The following FHIP2A variants were observed in gnomAD, a reference collection of about 807,000 sequenced individuals.
FHIP2A encodes the protein family with sequence similarity 160 member B1.
FHIP2A carries 46 observed loss-of-function variants against 93.5 expected under a neutral mutation model. The ratio of observed to expected loss-of-function variants is 0.49; its 90% confidence interval spans 0.39 to 0.63. The LOEUF is 0.63. FHIP2A is among the 20% of genes least tolerant of loss of function. The pLI, the probability that FHIP2A is intolerant of heterozygous loss-of-function variation, is 0.00. For synonymous variants in FHIP2A, 332 were observed against 326.5 expected, an observed-to-expected ratio of 1.02 and a Z score of -0.18; for missense variants, 769 against 909.7, an observed-to-expected ratio of 0.85 and a Z score of 1.99.
chr10:114,831,338 C>T (rs1014988645), intron 2 of FHIP2A, among the ~76,000 whole-genome samples: 2 of 152,160 alleles, frequency 1.3e-5, no homozygotes, highest in African/African-American at 4.8e-5. Flanking sequence ...GAGAAAACCT[C>T]ATTGCCCAAT....
chr10:114,834,308 TCTC>T (rs1168515601), intron 3 of FHIP2A, among the ~76,000 whole-genome samples: 8 of 152,300 alleles, frequency 5.3e-5, no homozygotes, highest in East Asian at 1.9e-4. Flanking sequence ...TGCAACTCAT[TCTC>T]CTCCTCCTTT....
At chr10:114,888,784 G>T (rs1350594573) in intron 16 of FHIP2A, among the ~76,000 whole-genome samples, 1 of 152,014 alleles carries the variant, frequency 6.6e-6, no homozygotes, top group Non-Finnish European at 1.5e-5. Flanking sequence ...TGTATTTTTA[G>T]TAGAGATGGG....
At chr10:114,872,168 A>C (rs550272317) in intron 16 of FHIP2A, among the ~76,000 whole-genome samples, 11 of 152,292 alleles carry the variant, frequency 7.2e-5, no homozygotes, top group African/African-American at 2.6e-4. Context: ...TTCCCCCTGG[A>C]CCATGCTGAG....
chr10:114,830,116 A>G (rs1335689935), intron 1 of FHIP2A, among the ~76,000 whole-genome samples: 1 of 152,138 alleles, frequency 6.6e-6, no homozygotes, highest in East Asian at 1.9e-4. Context: ...ATGTTTTAGT[A>G]GTGATGATGT....
rs148056649 is a variant in FHIP2A at position 114,839,448 on chromosome 10, A to T, written c.522+3202A>T. 5.5e-3 allele frequency among the ~76,000 whole-genome samples: 838 copies of T among 152,278 alleles called. 30 individuals are homozygous for T. The highest frequency in any genetic ancestry group is 0.048 in the Admixed American group (730 of 15,290). On this transcript the variant is annotated intron_variant, in intron 5 of 16. Transcript: ENST00000369248. ...AGCCAGAAATGCAGTTTTATTACTT[A>T]TAAGTATAGATAAGAACAAAAGTGC... is the stretch of plus-strand genomic sequence containing the variant.
chr10:114,830,193 C>G (rs1022974703), intron 1 of FHIP2A, among the ~76,000 whole-genome samples: 1 of 150,256 alleles, frequency 6.7e-6, no homozygotes, highest in Non-Finnish European at 1.5e-5. Flanking sequence ...AGATTCCTGG[C>G]TATTAGTAAT....
intron 13 of FHIP2A, among the ~76,000 whole-genome samples, chr10:114,850,101 C>T (rs1344176605): frequency 6.6e-6 from 1 of 151,920 alleles, no homozygotes; most frequent in Non-Finnish European, 1.5e-5. Flanking sequence ...TACGGGTTTT[C>T]CGTTTTCTTG....
At chr10:114,894,894 GCTT>G (rs1170006525) in intron 16 of FHIP2A, among the ~76,000 whole-genome samples, 2 of 152,086 alleles carry the variant, frequency 1.3e-5, no homozygotes, top group African/African-American at 2.4e-5. Context: ...GAGAGCTTTG[GCTT>G]CTTCTTTTCT....
downstream of FHIP2A, among the ~76,000 whole-genome samples, chr10:114,868,588 G>A (rs375360121): frequency 6.6e-6 from 1 of 152,106 alleles, no homozygotes; most frequent in African/African-American, 2.4e-5. Flanking sequence ...TTAAATATTA[G>A]GTAATACTTT....
intron 14 of FHIP2A, among the ~76,000 whole-genome samples, chr10:114,856,098 G>A (rs1451721596): frequency 6.6e-6 from 1 of 152,222 alleles, no homozygotes. Context: ...GTATGTTAAA[G>A]TACGTGTTCT....
Position 114,863,371 on chromosome 10 carries a change from A to C in FHIP2A, c.*1831A>C. ...ATTAAGAGATATTAGATATTTCTTA[A>C]TGTTTTCATAGTGCTCAATAGGTGT... On this transcript the variant is annotated 3_prime_UTR_variant, in exon 17 of 17. Transcript: ENST00000369248. 1 of 994,146 alleles carries C rather than the reference A, an allele frequency of 1.0e-6. No homozygotes were observed. Among genetic ancestry groups the C allele is most frequent in the Non-Finnish European group, 1.2e-6 (1 of 834,202 alleles). 61.6% of individuals were successfully genotyped at this position (994,146 alleles called of 1,614,324 possible).
At chr10:114,865,801 T>G (rs2083825859), downstream of FHIP2A, among the ~76,000 whole-genome samples, 1 of 117,304 alleles carries the variant, frequency 8.5e-6, no homozygotes, top group South Asian at 2.8e-4. Flanking sequence ...AATCTATACC[T>G]CTTTTCAAAA....
At chr10:114,823,717 T>G (rs2143009119) in intron 1 of FHIP2A, among the ~76,000 whole-genome samples, 1 of 151,510 alleles carries the variant, frequency 6.6e-6, no homozygotes, top group Middle Eastern at 3.4e-3. Flanking sequence ...CAGGCTGCTC[T>G]CGAACTCCTG....
In FHIP2A at chr10:114,863,868, C is replaced by T. The variant is rs2083814675; in HGVS notation, c.*2328C>T. ...TCCAAAGTGAATTTCAGCCTTGCTT[C>T]ACATTTGTATCAATAAATATGCACA... is the stretch of plus-strand genomic sequence containing the variant. On this transcript the variant is annotated 3_prime_UTR_variant, in exon 17 of 17. Transcript: ENST00000369248. The T allele has an allele frequency of 9.1e-7, 1 of 1,095,266 alleles. No individual in the cohort carries two copies. The allele number at this position is 1,095,266 out of a possible 1,614,324, so 67.8% of individuals were successfully genotyped here. A position where few individuals can be genotyped will look rare whatever the true frequency, so the allele number is the denominator to read the frequency against.
rs747737867 is a variant in FHIP2A, at chr10:114,855,257, G to C, written c.1864G>C (p.Glu622Gln). 1.2e-6 allele frequency: 2 copies of C among 1,613,936 alleles called. No homozygotes were observed. The highest frequency in any genetic ancestry group is 2.2e-5 in the South Asian group (2 of 91,086). Residue 622 changes from glutamate (E) to glutamine (Q), a missense_variant, in exon 14 of 17, where the codon GAA becomes CAA. Transcript: ENST00000369248. ...GTGGCCTGGGTCTCCAAAAGCATTG[G>C]AAAAGTGCAATTTAGAAGCTGCTTT... ...WEWPGSPKAL[E>Q]KCNLEAAFFE...
chr10:114,871,187 A>G lies in FHIP2A; in HGVS notation c.2192+9853A>G, dbSNP rs959609396. Among the ~76,000 whole-genome samples the G allele has an allele frequency of 2.0e-5, 3 of 151,498 alleles. 1 individual carries two copies. The South Asian group carries it at 6.3e-4, about 32-fold the overall frequency. ...CATTTTAAACTGCGTCTCTGTTGCT[A>G]TGTTGCCCAGGCTGGAGTGCAGTGG... is the stretch of plus-strand genomic sequence containing the variant. On this transcript the variant is annotated intron_variant, in intron 16 of 16. Transcript: ENST00000369250.
intron 16 of FHIP2A, among the ~76,000 whole-genome samples, chr10:114,872,207 C>A (rs772209784): frequency 2.0e-5 from 3 of 152,084 alleles, no homozygotes; most frequent in Admixed American, 6.5e-5. Context: ...ACCTAAAAGA[C>A]AAAAACTTCC....
At chr10:114,835,836 C>G (rs938951533) in intron 4 of FHIP2A, among the ~76,000 whole-genome samples, 195 bp downstream of exon 4, 1 of 152,098 alleles carries the variant, frequency 6.6e-6, no homozygotes, top group Non-Finnish European at 1.5e-5. Context: ...CTTTCTGATT[C>G]TCTTTAAAAT....
At position 114,861,559 on chromosome 10, in the gene FHIP2A, C is replaced by G; in HGVS notation, c.*19C>G. 6.2e-7 allele frequency: 1 copy of G among 1,611,106 alleles called. No homozygotes were observed. Among genetic ancestry groups the G allele is most frequent in the Non-Finnish European group, 8.5e-7 (1 of 1,179,434 alleles). On this transcript the variant is annotated 3_prime_UTR_variant, in exon 17 of 17. Coordinates refer to ENST00000369248, the MANE Select transcript of FHIP2A (RefSeq NM_020940.4). ...ACCATAAATAACATCTTTCATGTAA[C>G]TGGGGGAACAGAACTACTGTGTACA...
Sources: gnomAD v4.1 joint callset for allele counts (sites outside exome capture counted in the v4.1 genomes callset) on GRCh38, gnomAD v4.1.1 for gene constraint, MANE v1.5 for transcripts, NCBI Gene and HGNC (gene_info 2026-07-23, HGNC 2026-07-21) for gene names.